AJAP1: variants seen among roughly 807,000 people sequenced by gnomAD.
AJAP1 encodes the protein adherens junctions associated protein 1.
A neutral mutation model predicts 35.0 loss-of-function variants in AJAP1; 5 were observed. The observed-to-expected ratio is 0.14, with a 90% confidence interval of 0.07 to 0.30. The LOEUF (loss-of-function observed/expected upper bound fraction) is 0.30, where lower values mean the gene tolerates loss of function less well. Among genes scored for constraint, AJAP1 ranks in the 10% least tolerant of loss-of-function variants. The pLI, the probability that AJAP1 is intolerant of heterozygous loss-of-function variation, is 1.00. For synonymous variants in AJAP1, 284 were observed against 249.3 expected (o/e 1.14, Z -1.31); for missense variants, 586 against 571.0 (o/e 1.03, Z -0.27).
chr1:4,702,611 C>G (rs985057745), intron 1 of AJAP1, among the ~76,000 whole-genome samples: 1 of 152,184 alleles, frequency 6.6e-6, no homozygotes, highest in Non-Finnish European at 1.5e-5. Context: ...TGGTCCCTTC[C>G]GTCTGGGGCG....
chr1:4,667,031 G>A (rs1321218667), intron 1 of AJAP1, among the ~76,000 whole-genome samples: 3 of 152,160 alleles, frequency 2.0e-5, no homozygotes, highest in Non-Finnish European at 4.4e-5. Context: ...AGCTGCGTGG[G>A]ATGGAACCTC....
At chr1:4,657,938 TGAGA>T (rs1431466833) in intron 1 of AJAP1, among the ~76,000 whole-genome samples, 6 of 151,994 alleles carry the variant, frequency 3.9e-5, no homozygotes, top group Admixed American at 2.6e-4. Context: ...TTCCATCAGC[TGAGA>T]GAGAGGGAGC....
At chr1:4,774,689 C>T (rs1181485149) in intron 5 of AJAP1, 131 bp downstream of exon 5, 1 of 597,464 alleles carries the variant, frequency 1.7e-6, no homozygotes, top group Non-Finnish European at 3.0e-6. Context: ...GGCATCACTT[C>T]TCTGAACATG....
chr1:4,733,978 C>T lies in AJAP1; in HGVS notation c.829+21279C>T, dbSNP rs866239715. Among the ~76,000 whole-genome samples, 6 of 152,326 alleles carry T rather than the reference C, an allele frequency of 3.9e-5. No individual in the cohort carries two copies. The Middle Eastern group carries it at 0.01, about 259-fold the overall frequency. ...GGGGGGAGCTGAATGGAGCGGTTCA[C>T]GCGAGGTGTGTGCGTCGCGAGCAGG... On this transcript the variant is annotated intron_variant, in intron 2 of 5. Coordinates refer to ENST00000378191, the MANE Select transcript of AJAP1 (RefSeq NM_018836.4).
intron 1 of AJAP1, among the ~76,000 whole-genome samples, chr1:4,696,609 G>A (rs1639865407): frequency 6.6e-6 from 1 of 152,242 alleles, no homozygotes; most frequent in African/African-American, 2.4e-5. Context: ...CCAAGGCGGT[G>A]GGATTTCACA....
At chr1:4,658,890 C>T (rs1184216710) in intron 1 of AJAP1, among the ~76,000 whole-genome samples, 1 of 152,214 alleles carries the variant, frequency 6.6e-6, no homozygotes, top group Non-Finnish European at 1.5e-5. Context: ...GCCGGCTTCT[C>T]CAAGGCATGC....
At chr1:4,690,299 C>T (rs114141664) in intron 1 of AJAP1, among the ~76,000 whole-genome samples, 2,029 of 152,314 alleles carry the variant, frequency 0.013, 51 homozygotes, top group African/African-American at 0.046. Flanking sequence ...ACCCTCCCAC[C>T]ACCAAGAGGT....
intron 2 of AJAP1, among the ~76,000 whole-genome samples, chr1:4,729,754 C>T (rs1030424025): frequency 6.6e-5 from 10 of 152,310 alleles, no homozygotes; most frequent in East Asian, 3.9e-4. Context: ...TCACAGTTCA[C>T]GGGTAGTGGA....
rs1366030363 is a variant in AJAP1, at chr1:4,655,492, G to A, written c.29+38G>A. 4 of 1,558,326 alleles carry A rather than the reference G, an allele frequency of 2.6e-6. No individual in the cohort carries two copies. Among genetic ancestry groups the A allele is most frequent in the African/African-American group, 1.4e-5 (1 of 71,094 alleles). ...GCCGGCGCCGGGTGCGTGTGGGCGCGTGGGTGCCAGGCTGGGCGGAAGCGG... is the reference window on the plus strand; with the variant it reads ...GCCGGCGCCGGGTGCGTGTGGGCGCATGGGTGCCAGGCTGGGCGGAAGCGG... On this transcript the variant is annotated intron_variant, in intron 1 of 5. Transcript: ENST00000378191. This position sits in a 1 kb window ranked among gnomAD's most constrained non-coding sequence, Gnocchi z 6.9.
In AJAP1 at chr1:4,693,357, G is replaced by A. The variant is rs1019116235; in HGVS notation, c.30-18543G>A. 7.0e-6 allele frequency among the ~76,000 whole-genome samples: 1 copy of A among 142,898 alleles called. No individual in the cohort carries two copies. The highest frequency in any genetic ancestry group is 2.5e-5 in the African/African-American group (1 of 39,716). 93.7% of individuals were successfully genotyped at this position (142,898 alleles called of 152,430 possible). A position where few individuals can be genotyped will look rare whatever the true frequency, so the allele number is the denominator to read the frequency against. ...AGGGAAGAACCCCATGGGGGACTGG[G>A]AGTCATGGAGGGCTTCCTGGAGGCA... On this transcript the variant is annotated intron_variant, in intron 1 of 5. Coordinates refer to ENST00000378191, the MANE Select transcript of AJAP1 (RefSeq NM_018836.4). This position sits in a 1 kb window ranked among gnomAD's most constrained non-coding sequence, Gnocchi z 4.4.
intron 1 of AJAP1, among the ~76,000 whole-genome samples, chr1:4,701,082 C>T (rs186223334): frequency 1.7e-3 from 254 of 152,360 alleles, no homozygotes; most frequent in African/African-American, 5.7e-3. Context: ...AGAACGCCAG[C>T]GCCGTTGCTA....
At chr1:4,724,657 T>A (rs1238207977) in intron 2 of AJAP1, among the ~76,000 whole-genome samples, 5 of 147,592 alleles carry the variant, frequency 3.4e-5, no homozygotes, top group Admixed American at 3.3e-4. Flanking sequence ...GCAACAAAAC[T>A]CACACCCCCA....
At chr1:4,721,356 G>C (rs566407817) in intron 2 of AJAP1, among the ~76,000 whole-genome samples, 2 of 152,282 alleles carry the variant, frequency 1.3e-5, no homozygotes, top group Non-Finnish European at 2.9e-5. Context: ...TCTAGATCCA[G>C]GTGGAAGTTC....
intron 2 of AJAP1, among the ~76,000 whole-genome samples, chr1:4,753,144 G>T (rs534695278): frequency 9.2e-5 from 14 of 152,350 alleles, no homozygotes; most frequent in African/African-American, 3.4e-4. Flanking sequence ...TCAGTCCTGA[G>T]ATTTTCACAG....
At chr1:4,662,678 C>A (rs1639026290) in intron 1 of AJAP1, among the ~76,000 whole-genome samples, 1 of 152,214 alleles carries the variant, frequency 6.6e-6, no homozygotes, top group Admixed American at 6.5e-5. Context: ...ATGTGCCGGG[C>A]TAGGCGCCCG....
rs551069865 is a variant in AJAP1, at chr1:4,720,164, C to A, written c.829+7465C>A. ...GGTCACTGACACTCAGTCCCGGAGACTCAGCCAAATTCAGAGGCAGACGAA... is the reference window on the plus strand; with the variant it reads ...GGTCACTGACACTCAGTCCCGGAGAATCAGCCAAATTCAGAGGCAGACGAA... On this transcript the variant is annotated intron_variant, in intron 2 of 5. Transcript: ENST00000378191. The surrounding 1 kb of genome is among the most constrained non-coding windows in gnomAD (Gnocchi z 4.4). Among the ~76,000 whole-genome samples the A allele has an allele frequency of 1.3e-5, 2 of 152,318 alleles. No individual in the cohort carries two copies. Among genetic ancestry groups the A allele is most frequent in the Admixed American group, 1.3e-4 (2 of 15,304 alleles).
intron 2 of AJAP1, among the ~76,000 whole-genome samples, chr1:4,714,423 T>C (rs905218364): frequency 1.3e-5 from 2 of 152,246 alleles, no homozygotes; most frequent in African/African-American, 4.8e-5. Flanking sequence ...GATTTCTTGC[T>C]ACTCTCCCTT....
intron 2 of AJAP1, among the ~76,000 whole-genome samples, chr1:4,737,438 C>A (rs544738): frequency 0.89 from 134,455 of 151,136 alleles, 60,899 homozygotes; most frequent in Non-Finnish European, 0.93. Context: ...GTTGGATTTC[C>A]TGGTGCAGCA....
chr1:4,686,978 T>C (rs992196142), intron 1 of AJAP1, among the ~76,000 whole-genome samples: 1 of 152,202 alleles, frequency 6.6e-6, no homozygotes, highest in Admixed American at 6.5e-5. Flanking sequence ...GCCCACTTCC[T>C]GCCCAAGTTG....
Sources: allele counts gnomAD v4.1 joint callset (sites outside exome capture counted in the v4.1 genomes callset), GRCh38; gene constraint gnomAD v4.1.1; non-coding constraint Gnocchi (gnomAD v3.1); transcripts MANE v1.5; gene names NCBI Gene and HGNC (gene_info 2026-07-23, HGNC 2026-07-21).